Variants in PTPRS observed in about 807,000 individuals in gnomAD.
The protein encoded by PTPRS is protein tyrosine phosphatase receptor type S, also known as receptor-type tyrosine-protein phosphatase S.
A neutral mutation model predicts 215.3 loss-of-function variants in PTPRS; 63 were observed. The observed-to-expected ratio is 0.29, with a 90% CI of 0.24 to 0.36. The LOEUF is 0.36. Ranked by LOEUF, PTPRS falls within the 10% of genes least tolerant of loss-of-function variation. The pLI is 1.00. For missense variants in PTPRS, 2,258 were observed against 2,825.8 expected, an observed-to-expected ratio of 0.80 and a Z score of 4.56; for synonymous variants, 1,404 against 1,191.4, an observed-to-expected ratio of 1.18 and a Z score of -3.68.
chr19:5,239,980 G>A (rs1042990683), intron 12 of PTPRS, among the ~76,000 whole-genome samples: 6 of 152,106 alleles, frequency 3.9e-5, no homozygotes, highest in Admixed American at 2.6e-4. Flanking sequence ...GAGAGAGGCC[G>A]CCAGCAGCAG....
At position 5,243,972 on chromosome 19, in the gene PTPRS, C is replaced by T. The variant is rs762898326; in HGVS notation, c.1499G>A (p.Arg500Gln). ...GCCGACGGAGGTGAAGGCGAGCACC[C>T]GCACGGTGTAGGTCTCGTCCTCCAG... ...SLLEDETYTV[R>Q]VLAFTSVGDG... The change falls in exon 11 of 38, where the codon CGG becomes CAG. Residue 500 changes from arginine to glutamine, a missense_variant. Transcript: ENST00000262963. The T allele has an allele frequency of 4.4e-6, 7 of 1,600,612 alleles. No homozygotes were observed. The highest frequency in any genetic ancestry group is 1.3e-5 in the African/African-American group (1 of 74,890).
intron 1 of PTPRS, among the ~76,000 whole-genome samples, chr19:5,317,579 G>A (rs2049911764): frequency 6.6e-6 from 1 of 152,238 alleles, no homozygotes; most frequent in African/African-American, 2.4e-5. Flanking sequence ...TTTGAATCCA[G>A]GACTAACAGA....
rs539045943 is a variant in PTPRS, at chr19:5,257,735, C to T, written c.706+282G>A. ...AGACTGACCCCCTCACCCTGCCCCA[C>T]GCCTTCCTACCCCACCATCACTGCC... On this transcript the variant is annotated intron_variant, in intron 8 of 37. Transcript: ENST00000262963. This position sits in a 1 kb window ranked among gnomAD's most constrained non-coding sequence, Gnocchi z 4.4. 2.8e-4 allele frequency among the ~76,000 whole-genome samples: 42 copies of T among 152,304 alleles called. No individual in the cohort carries two copies. The highest frequency in any genetic ancestry group is 2.4e-3 in the Admixed American group (37 of 15,310).
chr19:5,302,839 C>T (rs921399899), intron 1 of PTPRS, among the ~76,000 whole-genome samples: 12 of 147,906 alleles, frequency 8.1e-5, no homozygotes, highest in African/African-American at 3.0e-4. Flanking sequence ...GGGCGGATCA[C>T]GAGGTCAGGA....
In PTPRS at chr19:5,317,855, G is replaced by A. The variant is rs141431174; in HGVS notation, c.-95+22809C>T. ...GTTCGGGACCACCCTGGCCAACATGGTGAAACCCCGTCTCCATTAAAAATA... is the reference window on the plus strand; with the variant it reads ...GTTCGGGACCACCCTGGCCAACATGATGAAACCCCGTCTCCATTAAAAATA... On this transcript the variant is annotated intron_variant, in intron 1 of 37. Coordinates refer to ENST00000262963, the MANE Select transcript of PTPRS (RefSeq NM_002850.4). Among the ~76,000 whole-genome samples the A allele has an allele frequency of 1.8e-3, 278 of 152,148 alleles. 2 individuals are homozygous for A. The highest frequency in any genetic ancestry group is 6.3e-3 in the African/African-American group (260 of 41,504).
intron 13 of PTPRS, among the ~76,000 whole-genome samples, chr19:5,233,390 C>G (rs1358230531): frequency 6.6e-6 from 1 of 151,286 alleles, no homozygotes; most frequent in Non-Finnish European, 1.5e-5. Flanking sequence ...GGTACCATGC[C>G]AAAGGGAACA....
intron 1 of PTPRS, among the ~76,000 whole-genome samples, chr19:5,312,644 G>C (rs1008889683): frequency 2.0e-5 from 3 of 152,162 alleles, no homozygotes; most frequent in Admixed American, 2.0e-4. Context: ...CTGGGCGACA[G>C]AGCAAGACCC....
rs2040373813 is a variant in PTPRS, at chr19:5,206,472, ACTC to A, written c.*299_*301del. 2.5e-6 allele frequency: 1 copy of A among 394,776 alleles called. No individual in the cohort carries two copies. The highest frequency in any genetic ancestry group is 4.1e-5 in the Admixed American group (1 of 24,658). 24.5% of individuals were successfully genotyped at this position (394,776 alleles called of 1,614,324 possible). On this transcript the variant is annotated 3_prime_UTR_variant, in exon 38 of 38. Transcript: ENST00000262963. ...CCACCCTCCTCTGGTTCTGGGGAGCACTCCTATTTGCTCACCATCCCCCCACCC... is the reference window on the plus strand; with the variant it reads ...CCACCCTCCTCTGGTTCTGGGGAGCACTATTTGCTCACCATCCCCCCACCC...
At chr19:5,262,537 G>A (rs1298322617) in intron 6 of PTPRS, among the ~76,000 whole-genome samples, 2 of 152,102 alleles carry the variant, frequency 1.3e-5, no homozygotes, top group African/African-American at 2.4e-5. Context: ...TCCACTCCAC[G>A]CCCAGCCCCA....
intron 20 of PTPRS, 108 bp from the exon 21 acceptor site, chr19:5,220,461 C>T (rs1034630903): frequency 1.5e-5 from 14 of 934,208 alleles, no homozygotes; most frequent in South Asian, 5.8e-5. Context: ...CCCTTCTGTT[C>T]ATACAATGAG....
At chr19:5,265,236 G>A (rs2046315965) in intron 4 of PTPRS, 40 bp from the exon 5 acceptor site, 5 of 1,564,606 alleles carry the variant, frequency 3.2e-6, no homozygotes, top group Non-Finnish European at 3.5e-6. Flanking sequence ...ATGGTTCTGA[G>A]CACTGCACAG....
chr19:5,219,890 C>T (rs769270595), intron 22 of PTPRS, 49 bp downstream of exon 22: 1 of 1,588,674 alleles, frequency 6.3e-7, no homozygotes, highest in South Asian at 1.1e-5. Flanking sequence ...TGGGGTCTGC[C>T]TCATTCAGAG....
chr19:5,238,845 CGTCTGCCGAGGGGCT>C, intron 13 of PTPRS, 59 bp downstream of exon 13: 1 of 1,468,064 alleles, frequency 6.8e-7, no homozygotes, highest in South Asian at 1.4e-5. Flanking sequence ...CGCCTGGGTC[CGTCTGCCGAGGGGCT>C]GTCTGCGGTC....
intron 1 of PTPRS, chr19:5,292,901 C>G (rs2048949635): frequency 6.6e-6 from 1 of 152,046 alleles, no homozygotes; most frequent in Non-Finnish European, 1.5e-5. Context: ...GGGGAGGGGA[C>G]CCTGCGGAGC....
chr19:5,292,842 T>TGGGGGAGGAGAGGGGGTG (rs2048939666), intron 1 of PTPRS: 5 of 135,470 alleles, frequency 3.7e-5, no homozygotes, highest in Admixed American at 2.1e-4. Context: ...CCCCGGGAGG[T>TGGGGGAGGAGAGGGGGTG]GGGGGAGGAG....
chr19:5,317,127 T>C (rs1214063241), intron 1 of PTPRS, among the ~76,000 whole-genome samples: 1 of 152,128 alleles, frequency 6.6e-6, no homozygotes, highest in Non-Finnish European at 1.5e-5. Context: ...CCCAAAACAA[T>C]GCCTCATGCA....
chr19:5,279,656 C>T (rs1057265232), intron 2 of PTPRS, among the ~76,000 whole-genome samples: 5 of 152,106 alleles, frequency 3.3e-5, no homozygotes, highest in Non-Finnish European at 1.5e-5. Context: ...GCAGTGTGAG[C>T]CACCGTGCCC....
chr19:5,271,501 G>C (rs561284274), intron 4 of PTPRS, among the ~76,000 whole-genome samples: 1 of 147,934 alleles, frequency 6.8e-6, no homozygotes, highest in African/African-American at 2.5e-5. Flanking sequence ...AGGTTCAAAC[G>C]ATCCTCTCCT....
chr19:5,218,951 G>T, intron 23 of PTPRS, 153 bp from the exon 24 acceptor site: 1 of 825,474 alleles, frequency 1.2e-6, no homozygotes. Flanking sequence ...CATATTTCCT[G>T]TTTGTCCCCC....
Sources: allele counts gnomAD v4.1 joint callset (sites outside exome capture counted in the v4.1 genomes callset), GRCh38; gene constraint gnomAD v4.1.1; non-coding constraint Gnocchi (gnomAD v3.1); transcripts MANE v1.5; gene names NCBI Gene and HGNC (gene_info 2026-07-23, HGNC 2026-07-21).